Variants in SLC23A2 observed in about 807,000 individuals in gnomAD.
SLC23A2 encodes the protein solute carrier family 23 member 2.
Under a neutral mutation model 73.3 loss-of-function variants are expected in SLC23A2, and 36 were observed. That is an observed-to-expected ratio of 0.49 (90% CI 0.38 to 0.65). The LOEUF is 0.65. Ranked by LOEUF, SLC23A2 falls within the 30% of genes least tolerant of loss-of-function variation. The pLI, the probability that SLC23A2 is intolerant of heterozygous loss-of-function variation, is 0.00. For missense variants in SLC23A2, 507 were observed against 841.6 expected, an observed-to-expected ratio of 0.60 and a Z score of 4.92; for synonymous variants, 343 against 327.3, an observed-to-expected ratio of 1.05 and a Z score of -0.52.
At position 4,870,007 on chromosome 20, in the gene SLC23A2, C is replaced by T; in HGVS notation, c.1149G>A (p.Met383Ile). Residue 383 changes from methionine to isoleucine, a missense_variant, in exon 12 of 17, where the codon ATG (methionine) becomes ATA (isoleucine). By Grantham distance (10) the Met-to-Ile change is conservative (BLOSUM62 1). This residue lies in a region of SLC23A2 where 217 missense variants were observed against 398.0 expected (regional missense o/e 0.55). Transcript: ENST00000338244. ...TGATGCTGGCGACCACGGCACTGAG[C>T]ATGCCGATGACACCGGCCGCAGACA... Reference protein sequence around the residue: ...PTVSAAGVIGMLSAVVASIIE... With the variant: ...PTVSAAGVIGILSAVVASIIE... 1 of 1,613,314 alleles carries T rather than the reference C, an allele frequency of 6.2e-7. No homozygotes were observed. The highest frequency in any genetic ancestry group is 8.5e-7 in the Non-Finnish European group (1 of 1,179,538).
chr20:4,976,246 A>C (rs1412616580), intron 1 of SLC23A2, among the ~76,000 whole-genome samples: 2 of 152,098 alleles, frequency 1.3e-5, no homozygotes, highest in East Asian at 1.9e-4. Flanking sequence ...GTCTACTGAA[A>C]GCATTTTCCC....
At chr20:4,988,781 A>G (rs1311809366) in intron 1 of SLC23A2, among the ~76,000 whole-genome samples, 1 of 151,418 alleles carries the variant, frequency 6.6e-6, no homozygotes, top group Non-Finnish European at 1.5e-5. Context: ...CCAGGTGTTC[A>G]GGCACCTGTA....
In SLC23A2 at chr20:4,854,217, G is replaced by C. The variant is rs1445869059; in HGVS notation, c.*2755C>G. 6.6e-6 allele frequency: 1 copy of C among 152,248 alleles called. No homozygotes were observed. Among genetic ancestry groups the C allele is most frequent in the Non-Finnish European group, 1.5e-5 (1 of 68,046 alleles). The allele number at this position is 152,248 out of a possible 1,614,324, so 9.4% of individuals were successfully genotyped here. ...CAAAGCCCCAGCAACGCAGGCCAAT[G>C]ATGTGAATGGGAAGTGTCATGACAC... On this transcript the variant is annotated 3_prime_UTR_variant, in exon 17 of 17. Transcript: ENST00000338244.
At chr20:4,864,798 C>T (rs1003406052) in intron 13 of SLC23A2, among the ~76,000 whole-genome samples, 10 of 152,058 alleles carry the variant, frequency 6.6e-5, no homozygotes, top group East Asian at 1.9e-4. Flanking sequence ...AGTAAGAGTT[C>T]GCTAGTGGAA....
Position 4,871,415 on chromosome 20 carries a change from T to C in SLC23A2, c.1103-1362A>G, listed in dbSNP as rs546193423. Reference sequence around the variant, plus strand: ...TGCCCCTCCAGGGATCGGGAGGGTCTGGAGGGTGGGGTTTGAGGGTGTTCT... The same window carrying C: ...TGCCCCTCCAGGGATCGGGAGGGTCCGGAGGGTGGGGTTTGAGGGTGTTCT... On this transcript the variant is annotated intron_variant, in intron 11 of 16. Transcript: ENST00000338244. Among the ~76,000 whole-genome samples, 5 of 152,076 alleles carry C rather than the reference T, an allele frequency of 3.3e-5. No individual in the cohort carries two copies. The South Asian group carries it at 1.0e-3, about 32-fold the overall frequency.
At chr20:4,954,210 C>G (rs2087247107) in intron 2 of SLC23A2, among the ~76,000 whole-genome samples, 1 of 152,086 alleles carries the variant, frequency 6.6e-6, no homozygotes, top group South Asian at 2.1e-4. Context: ...GATATACAAG[C>G]ATAGGCCCCA....
intron 1 of SLC23A2, among the ~76,000 whole-genome samples, chr20:4,991,144 A>T (rs1204984453): frequency 6.6e-6 from 1 of 152,082 alleles, no homozygotes; most frequent in Non-Finnish European, 1.5e-5. Flanking sequence ...GTCTCCCTCT[A>T]TTGCCCAGGC....
At position 4,940,307 on chromosome 20, in the gene SLC23A2, C is replaced by A. The variant is rs959640650; in HGVS notation, c.-154-7591G>T. On this transcript the variant is annotated intron_variant, in intron 2 of 16. Coordinates refer to ENST00000338244, the MANE Select transcript of SLC23A2 (RefSeq NM_005116.6). ...TACAGCCTGGGTGGCAGAGTGAGACCCCATCTCAAAATAACAACAATAATA... is the reference window on the plus strand; with the variant it reads ...TACAGCCTGGGTGGCAGAGTGAGACACCATCTCAAAATAACAACAATAATA... Among the ~76,000 whole-genome samples, 4 of 151,946 alleles carry A rather than the reference C, an allele frequency of 2.6e-5. No homozygotes were observed. The South Asian group carries it at 8.3e-4, about 32-fold the overall frequency.
chr20:4,990,640 T>C (rs2122321752), intron 1 of SLC23A2, among the ~76,000 whole-genome samples: 1 of 144,450 alleles, frequency 6.9e-6, no homozygotes, highest in Non-Finnish European at 1.5e-5. Context: ...CCCAAAGTGC[T>C]GGGATTTCAG....
intron 3 of SLC23A2, among the ~76,000 whole-genome samples, chr20:4,930,982 T>C (rs1006541036): frequency 1.3e-5 from 2 of 150,756 alleles, no homozygotes; most frequent in African/African-American, 2.4e-5. Context: ...TCTATTTTTT[T>C]TTTTTTAAGA....
chr20:4,914,939 C>T (rs112501157), intron 3 of SLC23A2, among the ~76,000 whole-genome samples: 2 of 152,164 alleles, frequency 1.3e-5, no homozygotes, highest in Admixed American at 6.5e-5. Flanking sequence ...ACTCAGGAGG[C>T]TGAGGCAGGA....
chr20:4,968,254 G>A (rs1013843975), intron 2 of SLC23A2, among the ~76,000 whole-genome samples: 5 of 152,140 alleles, frequency 3.3e-5, no homozygotes, highest in Admixed American at 1.3e-4. Context: ...GAAAGATGGC[G>A]GGAATCCCAA....
chr20:4,901,757 C>A (rs1470684990), intron 5 of SLC23A2, among the ~76,000 whole-genome samples: 3 of 152,158 alleles, frequency 2.0e-5, no homozygotes, highest in African/African-American at 7.2e-5. Context: ...CCGGGTAGCT[C>A]CTGTTTCATG....
At chr20:5,002,045 T>G (rs908322776), upstream of SLC23A2, among the ~76,000 whole-genome samples, 2 of 152,160 alleles carry the variant, frequency 1.3e-5, no homozygotes, top group Admixed American at 6.5e-5. Context: ...GTGAATTCTC[T>G]GGGGGTCGTG....
chr20:4,932,920 G>A lies in SLC23A2; in HGVS notation c.-154-204C>T, dbSNP rs537978907. ...TACTGATTCTGAATTGCCCACTAGAGAGGGGGACCACTAAACCAAACTATC... is the reference window on the plus strand; with the variant it reads ...TACTGATTCTGAATTGCCCACTAGAAAGGGGGACCACTAAACCAAACTATC... On this transcript the variant is annotated intron_variant, in intron 2 of 16. Coordinates refer to ENST00000338244, the MANE Select transcript of SLC23A2 (RefSeq NM_005116.6). 2.6e-5 allele frequency among the ~76,000 whole-genome samples: 4 copies of A among 152,238 alleles called. No individual in the cohort carries two copies. In the South Asian group the frequency reaches 8.3e-4, roughly 32 times the overall value.
chr20:4,961,285 G>A (rs1018901793), intron 2 of SLC23A2, among the ~76,000 whole-genome samples: 4 of 152,068 alleles, frequency 2.6e-5, no homozygotes, highest in East Asian at 1.9e-4. Flanking sequence ...GTTTCACCTT[G>A]TTAGCCAGGA....
At chr20:4,914,225 A>G (rs1250423076) in intron 3 of SLC23A2, among the ~76,000 whole-genome samples, 1 of 151,914 alleles carries the variant, frequency 6.6e-6, no homozygotes, top group Non-Finnish European at 1.5e-5. Flanking sequence ...CAAACCAATA[A>G]TAAAACCAAA....
intron 1 of SLC23A2, among the ~76,000 whole-genome samples, chr20:4,976,589 T>C (rs898069503): frequency 6.6e-5 from 10 of 151,706 alleles, no homozygotes; most frequent in African/African-American, 2.4e-4. Context: ...GGCAAGAGAA[T>C]TGCTTGAACC....
intron 1 of SLC23A2, among the ~76,000 whole-genome samples, chr20:4,995,906 T>C (rs1366211798): frequency 1.3e-5 from 2 of 152,170 alleles, no homozygotes; most frequent in Non-Finnish European, 2.9e-5. Flanking sequence ...CTGGCTTCTC[T>C]GCCCTCTTCT....
Sources: gnomAD v4.1 joint callset for allele counts (sites outside exome capture counted in the v4.1 genomes callset) on GRCh38, gnomAD v4.1.1 for gene constraint, gnomAD v4.1.1 regional missense constraint, MANE v1.5 for transcripts, NCBI Gene and HGNC (gene_info 2026-07-23, HGNC 2026-07-21) for gene names.